Variants in RTN4R observed in about 807,000 individuals in gnomAD.
RTN4R encodes the protein reticulon-4 receptor.
Under a neutral mutation model 27.7 loss-of-function variants are expected in RTN4R, and 4 were observed. The observed-to-expected ratio is 0.14, with a 90% CI of 0.07 to 0.33. The LOEUF (loss-of-function observed/expected upper bound fraction) is 0.33. RTN4R is among the 10% of genes least tolerant of loss of function. The pLI is 1.00. For missense variants in RTN4R, 554 were observed against 671.5 expected (o/e 0.83, Z 1.93); for synonymous variants, 290 against 305.6 (o/e 0.95, Z 0.53).
chr22:20,261,645 T>C (rs994620206), intron 1 of RTN4R, among the ~76,000 whole-genome samples: 3 of 152,332 alleles, frequency 2.0e-5, no homozygotes, highest in African/African-American at 7.2e-5. Flanking sequence ...CTCCCGGAGC[T>C]GACCCAGGGA....
At chr22:20,264,431 G>A (rs854928) in intron 1 of RTN4R, among the ~76,000 whole-genome samples, 147,022 of 152,314 alleles carry the variant, frequency 0.97, 71,000 homozygotes, top group East Asian at 1. Flanking sequence ...CATGCCCGCC[G>A]CTCCGATCGG....
At chr22:20,257,789 A>G (rs376626874) in intron 1 of RTN4R, among the ~76,000 whole-genome samples, 125 of 152,334 alleles carry the variant, frequency 8.2e-4, no homozygotes, top group Middle Eastern at 3.4e-3. Context: ...ACACTGGGCC[A>G]GGTGGAAGGG....
At chr22:20,251,619 T>A (rs994994146) in intron 1 of RTN4R, among the ~76,000 whole-genome samples, 1 of 106,948 alleles carries the variant, frequency 9.4e-6, no homozygotes, top group Non-Finnish European at 1.9e-5. Flanking sequence ...TTACCATCAC[T>A]ATCACCACCA....
At chr22:20,268,017 G>GC (rs1668558601) in intron 1 of RTN4R, 54 bp downstream of exon 1, 6 of 1,074,298 alleles carry the variant, frequency 5.6e-6, no homozygotes, top group Admixed American at 4.8e-5. Context: ...GGGGCGAGCC[G>GC]CCCCCCTCCG....
intron 1 of RTN4R, among the ~76,000 whole-genome samples, chr22:20,261,800 G>A (rs1406973897): frequency 2.0e-5 from 3 of 152,226 alleles, no homozygotes; most frequent in African/African-American, 4.8e-5. Flanking sequence ...AAGTGGAGAG[G>A]GGTAGGCAGA....
chr22:20,249,460 C>T (rs899814391), intron 1 of RTN4R, among the ~76,000 whole-genome samples: 7 of 152,232 alleles, frequency 4.6e-5, no homozygotes, highest in Admixed American at 4.6e-4. Context: ...CTGACCACTG[C>T]CTGTGAGCCC....
intron 1 of RTN4R, among the ~76,000 whole-genome samples, chr22:20,244,688 T>C (rs2051129678): frequency 6.6e-6 from 1 of 152,154 alleles, no homozygotes; most frequent in Non-Finnish European, 1.5e-5. Flanking sequence ...GGCCTGACCA[T>C]GTCAGCTCCC....
At chr22:20,248,139 TA>T (rs1479460379) in intron 1 of RTN4R, among the ~76,000 whole-genome samples, 3 of 152,228 alleles carry the variant, frequency 2.0e-5, no homozygotes, top group Non-Finnish European at 4.4e-5. Context: ...GGTGTGGGTA[TA>T]ATCAATAGCA....
rs1333693504 is a variant in RTN4R, at chr22:20,241,717, G to A, written c.1416C>T (p.Pro472=). The change falls in exon 2 of 2, where the codon CCC becomes CCT. Residue 472 remains proline, a synonymous_variant. Coordinates refer to ENST00000043402, the MANE Select transcript of RTN4R (RefSeq NM_023004.6). ...LALVLWTVLG[P]C is the part of the protein sequence containing the mutation. ...CTCTTGTGTCCGCTGGGGGTCAGCA[G>A]GGCCCAAGCACTGTCCACAGCACCA... The A allele has an allele frequency of 2.6e-6, 4 of 1,549,880 alleles. No individual in the cohort carries two copies. In the East Asian group the frequency reaches 9.8e-5, roughly 38 times the overall value.
At chr22:20,267,118 C>T (rs1409723792) in intron 1 of RTN4R, among the ~76,000 whole-genome samples, 3 of 152,248 alleles carry the variant, frequency 2.0e-5, no homozygotes, top group Non-Finnish European at 4.4e-5. Context: ...GGGGCGAGGA[C>T]ACAGATATGC....
At position 20,242,970 on chromosome 22, in the gene RTN4R, T is replaced by C. The variant is rs748137164; in HGVS notation, c.163A>G (p.Ile55Val). The C allele has an allele frequency of 6.2e-7, 1 of 1,611,684 alleles. No individual in the cohort carries two copies. The highest frequency in any genetic ancestry group is 1.3e-5 in the African/African-American group (1 of 74,926). ...AAGATGCGCTGGCTGGCAGCAGGGA[T>C]GCCCACGGGCACAGCCTGCAGGCCC... ...QQGLQAVPVG[I>V]PAASQRIFLH... is the part of the protein sequence containing the mutation. Residue 55 changes from isoleucine (I) to valine (V), a missense_variant, in exon 2 of 2, where the codon ATC becomes GTC. Around this residue, in one of 2 missense-constraint regions of RTN4R, gnomAD observed 413 missense variants for 542.3 expected, o/e 0.76. Transcript: ENST00000043402.
At chr22:20,262,114 C>A (rs182326850) in intron 1 of RTN4R, among the ~76,000 whole-genome samples, 14 of 152,082 alleles carry the variant, frequency 9.2e-5, no homozygotes, top group African/African-American at 3.4e-4. Flanking sequence ...GGGGATGGAC[C>A]GGGAGACAGG....
chr22:20,242,474 T>C lies in RTN4R; in HGVS notation c.659A>G (p.His220Arg), dbSNP rs539419494. 1.1e-5 allele frequency: 18 copies of C among 1,613,654 alleles called. No homozygotes were observed. The South Asian group carries it at 1.4e-4, about 13-fold the overall frequency. ...HQNRVAHVHP[H>R]AFRDLGRLMT... ...GAGGCGGCCAAGGTCACGGAAGGCA[T>C]GCGGGTGCACATGGGCCACGCGGTT... The change falls in exon 2 of 2, where the codon CAT becomes CGT. Residue 220 changes from histidine to arginine, a missense_variant. By Grantham distance (29) the His-to-Arg change is conservative. Around this residue, in one of 2 missense-constraint regions of RTN4R, gnomAD observed 413 missense variants for 542.3 expected, o/e 0.76. Coordinates refer to ENST00000043402, the MANE Select transcript of RTN4R (RefSeq NM_023004.6).
intron 1 of RTN4R, among the ~76,000 whole-genome samples, chr22:20,244,232 C>T (rs549499137): frequency 7.2e-5 from 11 of 152,376 alleles, no homozygotes; most frequent in Non-Finnish European, 8.8e-5. Context: ...GACATGAGGC[C>T]GGCTAAGTGC....
rs537600854 is a variant in RTN4R, at chr22:20,259,469, G to A, written c.22+8602C>T. Among the ~76,000 whole-genome samples, 15 of 152,254 alleles carry A rather than the reference G, an allele frequency of 9.9e-5. No individual in the cohort carries two copies. The South Asian group carries it at 1.9e-3, about 19-fold the overall frequency. Reference sequence around the variant, plus strand: ...GTGCGCAGGGCCCATGTGTCAGGCCGAGGGAGCACCAGAGCTGCAGGCAGC... The same window carrying A: ...GTGCGCAGGGCCCATGTGTCAGGCCAAGGGAGCACCAGAGCTGCAGGCAGC... On this transcript the variant is annotated intron_variant, in intron 1 of 1. Coordinates refer to ENST00000043402, the MANE Select transcript of RTN4R (RefSeq NM_023004.6).
At chr22:20,267,017 T>G (rs9617867) in intron 1 of RTN4R, among the ~76,000 whole-genome samples, 3,363 of 150,634 alleles carry the variant, frequency 0.022, 100 homozygotes, top group East Asian at 0.067. Flanking sequence ...GCGGGAGTGG[T>G]TATTGCGAAA....
intron 1 of RTN4R, among the ~76,000 whole-genome samples, chr22:20,258,190 CCAGCA>C (rs562532120): frequency 1.8e-3 from 267 of 152,326 alleles, no homozygotes; most frequent in Admixed American, 7.8e-3. Flanking sequence ...AGGCCTGAAG[CCAGCA>C]CCACCCGGGG....
intron 1 of RTN4R, among the ~76,000 whole-genome samples, chr22:20,265,444 C>T (rs1347463546): frequency 2.0e-5 from 3 of 152,212 alleles, no homozygotes; most frequent in East Asian, 1.9e-4. Flanking sequence ...CTTTCAGAGA[C>T]GTGCTGGGCC....
At chr22:20,256,257 C>T (rs962702933) in intron 1 of RTN4R, among the ~76,000 whole-genome samples, 2 of 152,188 alleles carry the variant, frequency 1.3e-5, no homozygotes, top group Admixed American at 1.3e-4. Context: ...CAGAGGGGTC[C>T]CTCAAGTCCA....
Sources: allele counts gnomAD v4.1 joint callset (sites outside exome capture counted in the v4.1 genomes callset), GRCh38; gene constraint gnomAD v4.1.1; regional missense constraint gnomAD v4.1.1; transcripts MANE v1.5; gene names NCBI Gene and HGNC (gene_info 2026-07-23, HGNC 2026-07-21).